The following TFB2M variants were observed in gnomAD, a reference collection of about 807,000 sequenced individuals.
The protein encoded by TFB2M is transcription factor B2, mitochondrial.
Under a neutral mutation model 41.3 loss-of-function variants are expected in TFB2M, and 44 were observed. The observed-to-expected ratio is 1.07, with a 90% CI of 0.84 to 1.37. The LOEUF (loss-of-function observed/expected upper bound fraction) is 1.37. Among genes scored for constraint, TFB2M ranks in the 40% most tolerant of loss-of-function variants. The probability of loss-of-function intolerance (pLI) is 0.00; values close to 1 mark genes in which losing one functional copy is unlikely to be tolerated. For synonymous variants in TFB2M, 188 were observed against 176.8 expected, an observed-to-expected ratio of 1.06 and a Z score of -0.50; for missense variants, 496 against 490.2, an observed-to-expected ratio of 1.01 and a Z score of -0.11.
chr1:246,542,521 A>G (rs1658889454), intron 7 of TFB2M, among the ~76,000 whole-genome samples: 1 of 151,952 alleles, frequency 6.6e-6, no homozygotes, highest in Admixed American at 6.6e-5. Flanking sequence ...AAATCGTAAA[A>G]AGTTAGCTGG....
At chr1:246,546,983 A>ACACACACACACACACAC (rs764498048) in intron 6 of TFB2M, among the ~76,000 whole-genome samples, 2,151 of 127,134 alleles carry the variant, frequency 0.017, 51 homozygotes, top group African/African-American at 0.057. Flanking sequence ...ACACACACAC[A>ACACACACACACACACAC]TTTTTTTTTT....
At chr1:246,547,665 GTTTT>G (rs67635747) in intron 6 of TFB2M, among the ~76,000 whole-genome samples, 5 of 144,566 alleles carry the variant, frequency 3.5e-5, no homozygotes, top group African/African-American at 1.0e-4. Flanking sequence ...CATTTAATTC[GTTTT>G]TTTTTTTTTT....
chr1:246,551,306 G>C lies in TFB2M; in HGVS notation c.706-4C>G, dbSNP rs1659175583. 6.2e-7 allele frequency: 1 copy of C among 1,603,092 alleles called. No individual in the cohort carries two copies. Among genetic ancestry groups the C allele is most frequent in the East Asian group, 2.2e-5 (1 of 44,838 alleles). ...TTCCGGGATCTGCCATTAGTTTCTA[G>C]TAAAAGGAAAATAAAAATTACATGT... On this transcript the variant is annotated splice_polypyrimidine_tract_variant and splice_region_variant and intron_variant, in intron 4 of 7. Coordinates refer to ENST00000366514, the MANE Select transcript of TFB2M (RefSeq NM_022366.3).
intron 6 of TFB2M, among the ~76,000 whole-genome samples, chr1:246,545,809 T>C (rs3129569): frequency 0.97 from 125,129 of 128,562 alleles, 60,938 homozygotes; most frequent in East Asian, 1. Context: ...AAGACCCTGA[T>C]TCGAAAAAAA....
intron 2 of TFB2M, among the ~76,000 whole-genome samples, chr1:246,559,053 A>AT (rs967441409): frequency 1.4e-4 from 22 of 152,146 alleles, no homozygotes; most frequent in Admixed American, 9.8e-4. Flanking sequence ...GCAAACACCT[A>AT]TTTTTTCTTA....
Position 246,555,601 on chromosome 1 carries a change from C to CA in TFB2M, c.705+971dup, listed in dbSNP as rs1659299558. ...AACAAACAAACAATCAAACAAAAAACAAAAAACCCACAAAAAACTAAAAAT... is the reference window on the plus strand; with the variant it reads ...AACAAACAAACAATCAAACAAAAAACAAAAAAACCCACAAAAAACTAAAAAT... On this transcript the variant is annotated intron_variant, in intron 4 of 7. Transcript: ENST00000366514. Among the ~76,000 whole-genome samples the CA allele has an allele frequency of 2.0e-5, 3 of 152,012 alleles. No homozygotes were observed. In the East Asian group the frequency reaches 5.8e-4, roughly 29 times the overall value.
rs780143103 is a variant in TFB2M, at chr1:246,565,862, T to G, written c.277A>C (p.Ser93Arg). Residue 93 changes from serine (S) to arginine (R), a missense_variant, in exon 1 of 8, where the codon AGT (serine) becomes CGT (arginine). Physicochemically the swap from Ser to Arg is moderately radical, Grantham distance 110. Transcript: ENST00000366514. Reference protein sequence around the residue: ...TLAQIYLGKPSRPPHLLLECN... With the variant: ...TLAQIYLGKPRRPPHLLLECN... ...TCCAGCAGTAGGTGTGGAGGTCTAC[T>G]TGGTTTTCCCAAATAGATTTGCGCC... is the stretch of plus-strand genomic sequence containing the variant. 2.5e-6 allele frequency: 4 copies of G among 1,608,718 alleles called. No individual in the cohort carries two copies. The highest frequency in any genetic ancestry group is 3.4e-6 in the Non-Finnish European group (4 of 1,175,292).
intron 5 of TFB2M, among the ~76,000 whole-genome samples, chr1:246,550,271 A>G (rs1659136877): frequency 6.6e-6 from 1 of 152,194 alleles, no homozygotes; most frequent in Non-Finnish European, 1.5e-5. Context: ...CAAGAACTAT[A>G]GTACTGAGAG....
At chr1:246,547,638 G>A (rs927307623) in intron 6 of TFB2M, among the ~76,000 whole-genome samples, 6 of 149,932 alleles carry the variant, frequency 4.0e-5, no homozygotes, top group Non-Finnish European at 8.9e-5. Flanking sequence ...GTTATGCTGA[G>A]ATTAGGCCAT....
intron 6 of TFB2M, among the ~76,000 whole-genome samples, chr1:246,547,668 T>G (rs1282661236): frequency 7.8e-6 from 1 of 128,870 alleles, no homozygotes; most frequent in East Asian, 1.9e-4. Flanking sequence ...TTAATTCGTT[T>G]TTTTTTTTTT....
rs1385492472 is a variant in TFB2M, at chr1:246,540,725, CAAG to C, written c.*303_*305del. On this transcript the variant is annotated 3_prime_UTR_variant, in exon 8 of 8. Transcript: ENST00000366514. ...TAATAATGTACAGACTCTTGCTCTT[CAAG>C]AAGATGCAAAAATCAGCAACAGTAC... 4.6e-5 allele frequency: 12 copies of C among 260,306 alleles called. No individual in the cohort carries two copies. Among genetic ancestry groups the C allele is most frequent in the Non-Finnish European group, 8.0e-5 (11 of 136,918 alleles). The allele number at this position is 260,306 out of a possible 1,614,324, so 16.1% of individuals were successfully genotyped here. A position where few individuals can be genotyped will look rare whatever the true frequency, so the allele number is the denominator to read the frequency against.
rs201654157 is a variant in TFB2M, at chr1:246,557,350, G to A, written c.556+31C>T. ...TGCTAGAGACACCTGGCAAATTCTA[G>A]GTATTTGCTTTAGTAAATTCCAAAA... On this transcript the variant is annotated intron_variant, in intron 3 of 7. Transcript: ENST00000366514. The A allele has an allele frequency of 1.4e-5, 22 of 1,594,178 alleles. No homozygotes were observed. The East Asian group carries it at 3.1e-4, about 23-fold the overall frequency.
At position 246,547,645 on chromosome 1, in the gene TFB2M, C is replaced by T. The variant is rs188104222; in HGVS notation, c.858+900G>A. On this transcript the variant is annotated intron_variant, in intron 6 of 7. Transcript: ENST00000366514. The stretch of plus-strand genomic sequence containing the variant: ...ACTAAGCTGTTATGCTGAGATTAGG[C>T]CATTGTTAGCATTTAATTCGTTTTT... Among the ~76,000 whole-genome samples the T allele has an allele frequency of 4.6e-3, 679 of 148,950 alleles. 5 individuals carry two copies. Among genetic ancestry groups the T allele is most frequent in the Non-Finnish European group, 6.9e-3 (465 of 67,852 alleles).
chr1:246,551,151 G>T, intron 5 of TFB2M, 62 bp downstream of exon 5: 2 of 1,317,020 alleles, frequency 1.5e-6, no homozygotes, highest in South Asian at 1.2e-5. Flanking sequence ...CTCCAGCCTG[G>T]GCAACATAAT....
chr1:246,566,179 A>G lies in TFB2M; in HGVS notation c.-41T>C. The G allele has an allele frequency of 1.3e-6, 2 of 1,573,198 alleles. No homozygotes were observed. Among genetic ancestry groups the G allele is most frequent in the Non-Finnish European group, 1.7e-6 (2 of 1,154,248 alleles). Reference sequence around the variant, plus strand: ...GCCCGCTCCAAGAATCACCTAGTGCAGCTACTACAGTGAACCCCACGCAGG... The same window carrying G: ...GCCCGCTCCAAGAATCACCTAGTGCGGCTACTACAGTGAACCCCACGCAGG... On this transcript the variant is annotated 5_prime_UTR_variant, in exon 1 of 8. Coordinates refer to ENST00000366514, the MANE Select transcript of TFB2M (RefSeq NM_022366.3).
chr1:246,553,678 AAAC>A (rs1011318918), intron 4 of TFB2M, among the ~76,000 whole-genome samples: 5 of 152,244 alleles, frequency 3.3e-5, no homozygotes, highest in East Asian at 1.9e-4. Flanking sequence ...ACAAAAATGA[AAAC>A]AACAACAACA....
At chr1:246,544,956 C>G (rs961887435) in intron 6 of TFB2M, among the ~76,000 whole-genome samples, 7 of 152,210 alleles carry the variant, frequency 4.6e-5, no homozygotes, top group Non-Finnish European at 8.8e-5. Context: ...CAGGCGCCCA[C>G]CACCACGCCT....
intron 4 of TFB2M, among the ~76,000 whole-genome samples, chr1:246,553,346 A>G (rs1036190745): frequency 2.0e-5 from 3 of 152,176 alleles, no homozygotes; most frequent in Admixed American, 1.3e-4. Flanking sequence ...ATAGCACCAA[A>G]AGTAACTTAA....
At chr1:246,562,656 G>A (rs1281830592) in intron 2 of TFB2M, among the ~76,000 whole-genome samples, 12 of 152,006 alleles carry the variant, frequency 7.9e-5, no homozygotes, top group Middle Eastern at 3.4e-3. Flanking sequence ...TGACTCCATA[G>A]GGAACTTTTT....
Sources: allele counts gnomAD v4.1 joint callset (sites outside exome capture counted in the v4.1 genomes callset), GRCh38; gene constraint gnomAD v4.1.1; transcripts MANE v1.5; gene names NCBI Gene and HGNC (gene_info 2026-07-23, HGNC 2026-07-21).